Variants in ATXN7L1 observed in about 807,000 individuals in gnomAD.
ATXN7L1 encodes ataxin-7-like protein 1.
Under a neutral mutation model 70.8 loss-of-function variants are expected in ATXN7L1, and 15 were observed. The ratio of observed to expected loss-of-function variants is 0.21; its 90% confidence interval spans 0.14 to 0.33. The LOEUF (loss-of-function observed/expected upper bound fraction) is 0.33. Ranked by LOEUF, ATXN7L1 falls within the 10% of genes least tolerant of loss-of-function variation. The pLI, the probability that ATXN7L1 is intolerant of heterozygous loss-of-function variation, is 1.00. For missense variants in ATXN7L1, 975 were observed against 1,097.1 expected (o/e 0.89, Z 1.57); for synonymous variants, 440 against 445.1 (o/e 0.99, Z 0.14).
chr7:105,712,416 C>CAGAGCA (rs1794040751), intron 3 of ATXN7L1, among the ~76,000 whole-genome samples: 2 of 152,214 alleles, frequency 1.3e-5, no homozygotes, highest in African/African-American at 4.8e-5. Flanking sequence ...TGCAAATTTT[C>CAGAGCA]CAAACTTTTA....
At chr7:105,626,182 C>T (rs2115823734) in intron 7 of ATXN7L1, among the ~76,000 whole-genome samples, 1 of 152,306 alleles carries the variant, frequency 6.6e-6, no homozygotes, top group Non-Finnish European at 1.5e-5. Context: ...TATATCCATT[C>T]AGTGGAATAT....
intron 2 of ATXN7L1, among the ~76,000 whole-genome samples, chr7:105,873,470 G>A (rs1030508269): frequency 6.6e-6 from 1 of 152,294 alleles, no homozygotes; most frequent in Admixed American, 6.5e-5. Context: ...GGAGATCCAG[G>A]TAACCAAATA....
chr7:105,665,617 G>A (rs895793840), intron 3 of ATXN7L1, among the ~76,000 whole-genome samples: 1 of 152,088 alleles, frequency 6.6e-6, no homozygotes. Context: ...CTGAACAGTG[G>A]GACAACCACA....
intron 8 of ATXN7L1, among the ~76,000 whole-genome samples, chr7:105,620,900 A>AC (rs1399466003): frequency 6.7e-6 from 1 of 149,868 alleles, no homozygotes; most frequent in Non-Finnish European, 1.5e-5. Context: ...CTCAGAGAAA[A>AC]AAAAAAAAAA....
intron 3 of ATXN7L1, among the ~76,000 whole-genome samples, chr7:105,778,535 A>AAAAAC (rs1554460035): frequency 1.4e-5 from 2 of 146,810 alleles, no homozygotes; most frequent in Non-Finnish European, 3.0e-5. Context: ...AAAAAAAAAA[A>AAAAAC]CAAAGACTAA....
chr7:105,718,350 G>A (rs941236105), intron 3 of ATXN7L1, among the ~76,000 whole-genome samples: 1 of 152,190 alleles, frequency 6.6e-6, no homozygotes, highest in South Asian at 2.1e-4. Flanking sequence ...TCCGAATTCC[G>A]AGTTCCTGGG....
chr7:105,720,190 G>T (rs1166454269), intron 3 of ATXN7L1, among the ~76,000 whole-genome samples: 1 of 152,220 alleles, frequency 6.6e-6, no homozygotes, highest in African/African-American at 2.4e-5. Context: ...TTTCCCTAGT[G>T]CAGGTGGTTA....
rs554506060 is a variant in ATXN7L1 at position 105,683,366 on chromosome 7, C to T, written c.356-18078G>A. Among the ~76,000 whole-genome samples, 3 of 152,090 alleles carry T rather than the reference C, an allele frequency of 2.0e-5. No individual in the cohort carries two copies. In the East Asian group the frequency reaches 5.8e-4, roughly 29 times the overall value. Reference sequence around the variant, plus strand: ...AGGGGGTGTTGTTTTGGTTTTAGTGCCCATACTTCATAAAATAAAACCTGA... The same window carrying T: ...AGGGGGTGTTGTTTTGGTTTTAGTGTCCATACTTCATAAAATAAAACCTGA... On this transcript the variant is annotated intron_variant, in intron 3 of 11. Coordinates refer to ENST00000419735, the MANE Select transcript of ATXN7L1 (RefSeq NM_020725.2).
Position 105,808,866 on chromosome 7 carries a change from C to T in ATXN7L1, c.251-20158G>A, listed in dbSNP as rs150871347. ...AACTAAGCTTGAAATTAAGATGGTT[C>T]TTTTGTTTACTCCCCCTGTTGGGGA... On this transcript the variant is annotated intron_variant, in intron 2 of 11. Transcript: ENST00000419735. Among the ~76,000 whole-genome samples the T allele has an allele frequency of 2.5e-3, 382 of 152,348 alleles. 5 individuals are homozygous for T. Among genetic ancestry groups the T allele is most frequent in the African/African-American group, 8.8e-3 (364 of 41,586 alleles).
chr7:105,647,910 T>C (rs1486526603), intron 4 of ATXN7L1, among the ~76,000 whole-genome samples: 1 of 152,156 alleles, frequency 6.6e-6, no homozygotes, highest in East Asian at 1.9e-4. Flanking sequence ...TTTTTCTGCT[T>C]TATAATGAGT....
chr7:105,851,188 C>T (rs1187558818), intron 2 of ATXN7L1, among the ~76,000 whole-genome samples: 2 of 152,188 alleles, frequency 1.3e-5, no homozygotes. Flanking sequence ...CAGCTGGTGA[C>T]TTATCCCTAA....
chr7:105,787,741 A>T (rs1804525470), intron 3 of ATXN7L1, among the ~76,000 whole-genome samples: 2 of 152,228 alleles, frequency 1.3e-5, no homozygotes, highest in African/African-American at 4.8e-5. Context: ...TTTAGGCACA[A>T]TAGAATGTAC....
chr7:105,869,974 G>GAT (rs2116676141), intron 2 of ATXN7L1, among the ~76,000 whole-genome samples: 1 of 152,234 alleles, frequency 6.6e-6, no homozygotes, highest in Non-Finnish European at 1.5e-5. Flanking sequence ...TCACTTAACT[G>GAT]CACTCTATTA....
intron 2 of ATXN7L1, among the ~76,000 whole-genome samples, chr7:105,850,619 T>C (rs1293016257): frequency 6.6e-6 from 1 of 152,254 alleles, no homozygotes; most frequent in Non-Finnish European, 1.5e-5. Flanking sequence ...CACTGATCCC[T>C]GTGCCTCCTG....
chr7:105,649,665 A>G (rs1039512723), intron 4 of ATXN7L1: 6 of 747,738 alleles, frequency 8.0e-6, no homozygotes, highest in Non-Finnish European at 9.8e-6. Flanking sequence ...CCTGGTGATC[A>G]TGATCTATAT....
intron 2 of ATXN7L1, among the ~76,000 whole-genome samples, chr7:105,799,462 C>T (rs919487031): frequency 1.1e-4 from 16 of 152,208 alleles, no homozygotes; most frequent in African/African-American, 4.8e-5. Flanking sequence ...GGCAATCCCA[C>T]GGCTGATGGT....
At chr7:105,730,099 A>G (rs1003542297) in intron 3 of ATXN7L1, among the ~76,000 whole-genome samples, 2 of 152,264 alleles carry the variant, frequency 1.3e-5, no homozygotes, top group Middle Eastern at 6.8e-3. Flanking sequence ...ACAGCATGGA[A>G]AAAGCAGGGC....
intron 4 of ATXN7L1, among the ~76,000 whole-genome samples, chr7:105,653,119 C>A (rs1159037137): frequency 1.3e-5 from 2 of 152,136 alleles, no homozygotes; most frequent in Non-Finnish European, 2.9e-5. Flanking sequence ...TCAGGATATT[C>A]TTTGTTCCAA....
At chr7:105,641,064 T>A (rs181863289) in intron 5 of ATXN7L1, among the ~76,000 whole-genome samples, 51 of 152,248 alleles carry the variant, frequency 3.3e-4, no homozygotes, top group African/African-American at 8.7e-4. Context: ...TTTCAAAAGC[T>A]TTGAGGGTCA....
Sources: gnomAD v4.1 joint callset for allele counts (sites outside exome capture counted in the v4.1 genomes callset) on GRCh38, gnomAD v4.1.1 for gene constraint, MANE v1.5 for transcripts, NCBI Gene and HGNC (gene_info 2026-07-23, HGNC 2026-07-21) for gene names.